Variants in CREB3L2 observed in about 807,000 individuals in gnomAD.
CREB3L2 encodes the protein cAMP responsive element binding protein 3 like 2.
CREB3L2 carries 23 observed loss-of-function variants against 57.2 expected under a neutral mutation model. The ratio of observed to expected loss-of-function variants is 0.40; its 90% confidence interval spans 0.29 to 0.57. CREB3L2 has a LOEUF of 0.57. Ranked by LOEUF, CREB3L2 falls within the 20% of genes least tolerant of loss-of-function variation. CREB3L2 has a pLI of 0.42. For synonymous variants in CREB3L2, 268 were observed against 265.1 expected (o/e 1.01, Z -0.11); for missense variants, 628 against 634.7 (o/e 0.99, Z 0.11).
Position 137,875,049 on chromosome 7 carries a change from T to A in CREB3L2, c.*5427A>T, listed in dbSNP as rs1019700647. On this transcript the variant is annotated 3_prime_UTR_variant, in exon 12 of 12. Transcript: ENST00000330387. ...AAAGCATAACAATTTCAATTTATTT[T>A]TTTTTCCCAAACTAAGTACAAGTGT... 2.6e-5 allele frequency: 5 copies of A among 191,466 alleles called. No individual in the cohort carries two copies. The highest frequency in any genetic ancestry group is 1.7e-4 in the East Asian group (2 of 11,824). The allele number at this position is 191,466 out of a possible 1,614,324, so 11.9% of individuals were successfully genotyped here. A position where few individuals can be genotyped will look rare whatever the true frequency, so the allele number is the denominator to read the frequency against.
chr7:137,988,514 C>G (rs1801828882), intron 1 of CREB3L2, among the ~76,000 whole-genome samples: 1 of 152,164 alleles, frequency 6.6e-6, no homozygotes, highest in South Asian at 2.1e-4. Context: ...TTGTTGATGC[C>G]TCTGTGATCA....
Position 137,885,065 on chromosome 7 carries a change from G to A in CREB3L2, c.1200C>T (p.Pro400=), listed in dbSNP as rs1232879080. The A allele has an allele frequency of 1.9e-6, 3 of 1,614,072 alleles. No homozygotes were observed. Among genetic ancestry groups the A allele is most frequent in the Non-Finnish European group, 2.5e-6 (3 of 1,180,016 alleles). ...AFGSFFQGYG[P]YPSATKMALP... is the part of the protein sequence containing the mutation. Reference sequence around the variant, plus strand: ...GAGCCATCTTGGTGGCAGAAGGATAGGGCCCGTAGCCTTGAAAGAAGCTGC... The same window carrying A: ...GAGCCATCTTGGTGGCAGAAGGATAAGGCCCGTAGCCTTGAAAGAAGCTGC... Residue 400 remains proline, a synonymous_variant, in exon 10 of 12, where the codon CCC becomes CCT. Coordinates refer to ENST00000330387, the MANE Select transcript of CREB3L2 (RefSeq NM_194071.4).
At chr7:137,942,085 A>C (rs1800890313) in intron 1 of CREB3L2, among the ~76,000 whole-genome samples, 3 of 152,064 alleles carry the variant, frequency 2.0e-5, no homozygotes. Context: ...CATCTCTCTC[A>C]TTCCCTGCAA....
chr7:137,986,558 C>A (rs566259852), intron 1 of CREB3L2, among the ~76,000 whole-genome samples: 1 of 152,320 alleles, frequency 6.6e-6, no homozygotes, highest in African/African-American at 2.4e-5. Flanking sequence ...AATCATTTGC[C>A]AGTGGTGATA....
At chr7:137,956,540 C>T in intron 1 of CREB3L2, 1 of 1,123,800 alleles carries the variant, frequency 8.9e-7, no homozygotes, top group Non-Finnish European at 1.2e-6. Flanking sequence ...CCCACCTGAG[C>T]TGCTTTCAAA....
chr7:137,908,139 T>C (rs758597460), intron 5 of CREB3L2, 113 bp downstream of exon 5: 2 of 753,978 alleles, frequency 2.7e-6, no homozygotes, highest in Non-Finnish European at 3.7e-6. Flanking sequence ...AGCAGAAACT[T>C]CTTGACAAAA....
At chr7:137,960,404 C>A (rs976538408) in intron 1 of CREB3L2, among the ~76,000 whole-genome samples, 1 of 152,064 alleles carries the variant, frequency 6.6e-6, no homozygotes, top group Non-Finnish European at 1.5e-5. Flanking sequence ...TTTATACATA[C>A]ACACATGCAC....
chr7:137,889,040 TC>T (rs1421435270), intron 8 of CREB3L2, among the ~76,000 whole-genome samples: 4 of 149,310 alleles, frequency 2.7e-5, no homozygotes, highest in Non-Finnish European at 4.6e-5. Flanking sequence ...AGCCCGTACT[TC>T]CTCCCTGCCC....
chr7:137,915,926 G>C lies in CREB3L2; in HGVS notation c.406C>G (p.Pro136Ala), dbSNP rs1236164834. The change falls in exon 3 of 12, where the codon CCA becomes GCA. Residue 136 changes from proline to alanine, a missense_variant. By Grantham distance (27) the Pro-to-Ala change is conservative. Around this residue, in one of 3 missense-constraint regions of CREB3L2, gnomAD observed 339 missense variants for 355.4 expected, o/e 0.95. Transcript: ENST00000330387. ...AGAGTGACAGACGGAACGAGTCCTG[G>C]GGGTGGTTCGTCTGTAACTGGCTCT... ...KTEPVTDEPP[P>A]GLVPSVTLTI... 6.2e-7 allele frequency: 1 copy of C among 1,614,136 alleles called. No individual in the cohort carries two copies. The highest frequency in any genetic ancestry group is 1.1e-5 in the South Asian group (1 of 91,088).
At chr7:138,000,424 C>A (rs1193136660) in intron 1 of CREB3L2, among the ~76,000 whole-genome samples, 3 of 152,206 alleles carry the variant, frequency 2.0e-5, no homozygotes, top group African/African-American at 7.2e-5. Flanking sequence ...CCAGCATGAA[C>A]TACCACTCCC....
intron 1 of CREB3L2, among the ~76,000 whole-genome samples, chr7:137,940,064 T>C (rs1252541678): frequency 6.6e-6 from 1 of 152,180 alleles, no homozygotes; most frequent in East Asian, 1.9e-4. Flanking sequence ...ATCCTTCAAT[T>C]TGCAGTTTTC....
intron 1 of CREB3L2, among the ~76,000 whole-genome samples, chr7:137,966,420 T>C (rs1161063633): frequency 6.6e-6 from 1 of 152,216 alleles, no homozygotes; most frequent in Non-Finnish European, 1.5e-5. Context: ...CTCCCTCCAG[T>C]GGCTCAGGGA....
At position 137,876,665 on chromosome 7, in the gene CREB3L2, G is replaced by A. The variant is rs763663593; in HGVS notation, c.*3811C>T. The A allele has an allele frequency of 2.6e-5, 6 of 232,662 alleles. No homozygotes were observed. The highest frequency in any genetic ancestry group is 4.2e-5 in the Non-Finnish European group (5 of 117,814). 14.4% of individuals were successfully genotyped at this position (232,662 alleles called of 1,614,324 possible). ...GTGTCTATGGATAGTCTCACCTGAA[G>A]GTGGCCAAATAAAATGACTCTCAAG... On this transcript the variant is annotated 3_prime_UTR_variant, in exon 12 of 12. Coordinates refer to ENST00000330387, the MANE Select transcript of CREB3L2 (RefSeq NM_194071.4).
intron 1 of CREB3L2, among the ~76,000 whole-genome samples, chr7:137,940,617 C>T (rs1266478467): frequency 6.6e-6 from 1 of 152,178 alleles, no homozygotes; most frequent in Non-Finnish European, 1.5e-5. Flanking sequence ...AAAAGTGTTC[C>T]ACAGACGACC....
intron 2 of CREB3L2, chr7:137,922,592 G>C: frequency 2.3e-6 from 1 of 438,560 alleles, no homozygotes; most frequent in South Asian, 1.6e-5. Flanking sequence ...CCACTTACAT[G>C]AGAAAAACAC....
Position 137,885,017 on chromosome 7 carries a change from C to G in CREB3L2, c.1248G>C (p.Gln416His). 6.2e-7 allele frequency: 1 copy of G among 1,614,186 alleles called. No individual in the cohort carries two copies. The highest frequency in any genetic ancestry group is 8.5e-7 in the Non-Finnish European group (1 of 1,180,024). Reference sequence around the variant, plus strand: ...TACCCACGGAGGCTGTGTAGGGCTCCTGCAGGGAATGCTGGCTGGGCAGAG... The same window carrying G: ...TACCCACGGAGGCTGTGTAGGGCTCGTGCAGGGAATGCTGGCTGGGCAGAG... ...KMALPSQHSL[Q>H]EPYTASVVRS... Residue 416 changes from glutamine (Q) to histidine (H), a missense_variant, in exon 10 of 12, where the codon CAG becomes CAC. Coordinates refer to ENST00000330387, the MANE Select transcript of CREB3L2 (RefSeq NM_194071.4).
chr7:137,885,172 C>A (rs1799387978), intron 9 of CREB3L2, 51 bp from the exon 10 acceptor site: 1 of 1,601,362 alleles, frequency 6.2e-7, no homozygotes, highest in Non-Finnish European at 8.5e-7. Flanking sequence ...TGGACTTCAG[C>A]CTCTGGACAG....
rs1799321333 is a variant in CREB3L2 at position 137,882,597 on chromosome 7, T to C, written c.1302A>G (p.Glu434=). The change falls in exon 11 of 12, where the codon GAA becomes GAG. Residue 434 remains glutamate, a synonymous_variant. Transcript: ENST00000330387. ...VRSRNLLIYE[E]HSPPEESSSP... ...TGGATGACTCCTCTGGGGGAGAATG[T>C]TCCTCGTAGATCAGCAGGTTTCTGG... 1 of 1,609,396 alleles carries C rather than the reference T, an allele frequency of 6.2e-7. No individual in the cohort carries two copies. Among genetic ancestry groups the C allele is most frequent in the African/African-American group, 1.3e-5 (1 of 74,814 alleles).
chr7:137,986,370 C>T (rs1465136372), intron 1 of CREB3L2, among the ~76,000 whole-genome samples: 1 of 152,210 alleles, frequency 6.6e-6, no homozygotes, highest in Non-Finnish European at 1.5e-5. Flanking sequence ...GGGGAGTGCC[C>T]CAGCTCCATG....
Sources: allele counts gnomAD v4.1 joint callset (sites outside exome capture counted in the v4.1 genomes callset), GRCh38; gene constraint gnomAD v4.1.1; regional missense constraint gnomAD v4.1.1; transcripts MANE v1.5; gene names NCBI Gene and HGNC (gene_info 2026-07-23, HGNC 2026-07-21).